PDE3A: variants seen among roughly 807,000 people sequenced by gnomAD.
PDE3A encodes cGMP-inhibited 3',5'-cyclic phosphodiesterase 3A.
A neutral mutation model predicts 98.3 loss-of-function variants in PDE3A; 43 were observed. The ratio of observed to expected loss-of-function variants is 0.44; its 90% CI spans 0.34 to 0.56. The LOEUF (loss-of-function observed/expected upper bound fraction) is 0.56, where lower values mean the gene tolerates loss of function less well. PDE3A is among the 20% of genes least tolerant of loss of function. PDE3A has a pLI of 0.01. For missense variants in PDE3A, 1,427 were observed against 1,440.7 expected, an observed-to-expected ratio of 0.99 and a Z score of 0.15; for synonymous variants, 663 against 567.9, an observed-to-expected ratio of 1.17 and a Z score of -2.38.
chr12:20,422,060 C>T (rs151325025), intron 1 of PDE3A, among the ~76,000 whole-genome samples: 2,275 of 152,138 alleles, frequency 0.015, 17 homozygotes, highest in South Asian at 0.034. Flanking sequence ...AATTTTAGGG[C>T]GGCAGGCCGG....
intron 2 of PDE3A, among the ~76,000 whole-genome samples, chr12:20,569,348 G>A (rs1482722347): frequency 1.3e-5 from 2 of 152,002 alleles, no homozygotes; most frequent in East Asian, 3.9e-4. Flanking sequence ...TATAAATCAT[G>A]TGCTTAAAAG....
chr12:20,538,946 TTA>T, intron 1 of PDE3A, among the ~76,000 whole-genome samples: 1 of 133,616 alleles, frequency 7.5e-6, no homozygotes, highest in African/African-American at 2.5e-5. Context: ...ACACCTAGCC[TTA>T]TTTTTTTTTT....
At chr12:20,414,298 CAA>C (rs980321686) in intron 1 of PDE3A, among the ~76,000 whole-genome samples, 2 of 152,082 alleles carry the variant, frequency 1.3e-5, no homozygotes, top group African/African-American at 2.4e-5. Flanking sequence ...AAGTACTTAA[CAA>C]GAGAGTAGAG....
chr12:20,575,626 TAA>T (rs1485819697), intron 2 of PDE3A, among the ~76,000 whole-genome samples: 2 of 152,008 alleles, frequency 1.3e-5, no homozygotes, highest in Non-Finnish European at 2.9e-5. Context: ...TATTACTCTC[TAA>T]GATTGTTTGG....
chr12:20,381,360 G>A (rs1424978530), intron 1 of PDE3A, among the ~76,000 whole-genome samples: 1 of 151,844 alleles, frequency 6.6e-6, no homozygotes, highest in African/African-American at 2.4e-5. Context: ...TTTTGCTTGT[G>A]CACAAAGAAG....
At chr12:20,385,337 G>A (rs1253882829) in intron 1 of PDE3A, among the ~76,000 whole-genome samples, 2 of 152,008 alleles carry the variant, frequency 1.3e-5, no homozygotes, top group African/African-American at 4.8e-5. Context: ...TTACACTGTT[G>A]GTGGGACTGT....
chr12:20,477,293 A>G (rs1418186556), intron 1 of PDE3A, among the ~76,000 whole-genome samples: 1 of 152,214 alleles, frequency 6.6e-6, no homozygotes, highest in Non-Finnish European at 1.5e-5. Flanking sequence ...AATATGAGAT[A>G]ATATTTTACC....
At chr12:20,401,711 G>A (rs532557309) in intron 1 of PDE3A, among the ~76,000 whole-genome samples, 1 of 152,156 alleles carries the variant, frequency 6.6e-6, no homozygotes, top group South Asian at 2.1e-4. Flanking sequence ...TCTCCATAGC[G>A]CTGTATCTAT....
At chr12:20,500,613 C>T (rs1234976807) in intron 1 of PDE3A, among the ~76,000 whole-genome samples, 2 of 151,974 alleles carry the variant, frequency 1.3e-5, no homozygotes, top group African/African-American at 4.8e-5. Context: ...GGTCATTCTT[C>T]AGCCAAGTTG....
chr12:20,645,982 A>C (rs980422085), intron 10 of PDE3A, among the ~76,000 whole-genome samples: 3 of 152,350 alleles, frequency 2.0e-5, no homozygotes, highest in African/African-American at 7.2e-5. Context: ...TGAAATCTAC[A>C]TATAAAAGAT....
chr12:20,496,471 C>CCTG (rs140086402), intron 1 of PDE3A, among the ~76,000 whole-genome samples: 5,060 of 152,176 alleles, frequency 0.033, 120 homozygotes, highest in South Asian at 0.065. Flanking sequence ...TCTGACGTGA[C>CCTG]AGCTCTGATT....
chr12:20,370,038 G>T lies in PDE3A; in HGVS notation c.754G>T (p.Ala252Ser). The T allele has an allele frequency of 6.2e-7, 1 of 1,612,946 alleles. No individual in the cohort carries two copies. Reference protein sequence around the residue: ...YLAGVLGILLARYVEQILPQS... With the variant: ...YLAGVLGILLSRYVEQILPQS... The stretch of plus-strand genomic sequence containing the variant: ...GGCCGGCGTGCTGGGGATCCTCTTG[G>T]CCAGGTACGTGGAACAAATCTTGCC... Residue 252 changes from alanine (A) to serine (S), a missense_variant, in exon 1 of 16, where the codon GCC becomes TCC. Around this residue, in one of 3 missense-constraint regions of PDE3A, gnomAD observed 1,012 missense variants for 886.5 expected, o/e 1.14. Transcript: ENST00000359062.
chr12:20,678,788 G>A (rs1023933789), intron 15 of PDE3A, among the ~76,000 whole-genome samples: 4 of 152,124 alleles, frequency 2.6e-5, no homozygotes, highest in East Asian at 3.9e-4. Flanking sequence ...ACTCAGGCCC[G>A]ACTTGGGCCA....
At chr12:20,631,261 A>G (rs1164791750) in intron 6 of PDE3A, among the ~76,000 whole-genome samples, 1 of 152,158 alleles carries the variant, frequency 6.6e-6, no homozygotes, top group Non-Finnish European at 1.5e-5. Context: ...TCTCTTTTCC[A>G]CAAAAGAGCA....
chr12:20,419,980 C>T (rs1944485134), intron 1 of PDE3A, among the ~76,000 whole-genome samples: 1 of 151,998 alleles, frequency 6.6e-6, no homozygotes, highest in Non-Finnish European at 1.5e-5. Flanking sequence ...CTCAAGTGAT[C>T]CACCCACCTT....
At chr12:20,395,702 A>ATG (rs1285090023) in intron 1 of PDE3A, among the ~76,000 whole-genome samples, 1 of 148,286 alleles carries the variant, frequency 6.7e-6, no homozygotes, top group Non-Finnish European at 1.5e-5. Flanking sequence ...ATATATATAT[A>ATG]TATCTCTAGC....
chr12:20,572,307 T>G (rs1942818380), intron 2 of PDE3A: 1 of 270,304 alleles, frequency 3.7e-6, no homozygotes, highest in African/African-American at 2.3e-5. Context: ...GTGTATTTAT[T>G]AAATGTATTT....
chr12:20,681,332 T>C lies in PDE3A; in HGVS notation c.*1061T>C, dbSNP rs960284223. The C allele has an allele frequency of 1.3e-5, 2 of 152,226 alleles. No individual in the cohort carries two copies. Among genetic ancestry groups the C allele is most frequent in the Non-Finnish European group, 2.9e-5 (2 of 68,038 alleles). 9.4% of individuals were successfully genotyped at this position (152,226 alleles called of 1,614,324 possible). On this transcript the variant is annotated 3_prime_UTR_variant, in exon 16 of 16. Coordinates refer to ENST00000359062, the MANE Select transcript of PDE3A (RefSeq NM_000921.5). ...ACCTAAGAGCTGAAGTCAGGTCTTTTAATCAGGTTAGAATTCTAAATGATG... is the reference window on the plus strand; with the variant it reads ...ACCTAAGAGCTGAAGTCAGGTCTTTCAATCAGGTTAGAATTCTAAATGATG...
In PDE3A at chr12:20,380,606, A is replaced by G. The variant is rs180948919; in HGVS notation, c.960+10362A>G. ...TGAGTATGTTAGGCAGATGATCATG[A>G]CATTAGATGAACTAGGAATACAATA... On this transcript the variant is annotated intron_variant, in intron 1 of 15. Transcript: ENST00000359062. Among the ~76,000 whole-genome samples the G allele has an allele frequency of 2.4e-3, 371 of 151,956 alleles. 2 individuals are homozygous for G. The highest frequency in any genetic ancestry group is 8.2e-3 in the African/African-American group (340 of 41,526).
Sources: allele counts gnomAD v4.1 joint callset (sites outside exome capture counted in the v4.1 genomes callset), GRCh38; gene constraint gnomAD v4.1.1; regional missense constraint gnomAD v4.1.1; transcripts MANE v1.5; gene names NCBI Gene and HGNC (gene_info 2026-07-23, HGNC 2026-07-21).